The following PSMA1 variants were observed in gnomAD, a reference collection of about 807,000 sequenced individuals.
The protein encoded by PSMA1 is proteasome 20S subunit alpha 1, also known as proteasome subunit alpha type-1.
A neutral mutation model predicts 38.4 loss-of-function variants in PSMA1; 3 were observed. The ratio of observed to expected loss-of-function variants is 0.08; its 90% CI spans 0.04 to 0.20. The LOEUF is 0.20. PSMA1 is among the 10% of genes least tolerant of loss of function. The pLI, the probability that PSMA1 is intolerant of heterozygous loss-of-function variation, is 1.00. For synonymous variants in PSMA1, 101 were observed against 107.1 expected (o/e 0.94, Z 0.35); for missense variants, 227 against 325.3 (o/e 0.70, Z 2.32).
chr11:14,549,815 T>C (rs1851867363), intron 2 of PSMA1, among the ~76,000 whole-genome samples: 1 of 152,118 alleles, frequency 6.6e-6, no homozygotes, highest in Admixed American at 6.5e-5. Flanking sequence ...CACAGTGTGC[T>C]CAAGGCCAGC....
chr11:14,548,074 T>C (rs1468998657), intron 2 of PSMA1, among the ~76,000 whole-genome samples: 1 of 152,014 alleles, frequency 6.6e-6, no homozygotes, highest in African/African-American at 2.4e-5. Flanking sequence ...ATAATAATGA[T>C]AGCAAAAATA....
intron 2 of PSMA1, among the ~76,000 whole-genome samples, chr11:14,535,061 G>A (rs1404707767): frequency 4.6e-5 from 7 of 151,992 alleles, no homozygotes; most frequent in Admixed American, 3.9e-4. Flanking sequence ...GCGACAGAAC[G>A]AGACTCCATC....
At chr11:14,527,671 A>G (rs1851602502) in intron 2 of PSMA1, among the ~76,000 whole-genome samples, 1 of 152,104 alleles carries the variant, frequency 6.6e-6, no homozygotes, top group Admixed American at 6.6e-5. Context: ...CTGCGTAGAC[A>G]CTTTCACTGG....
At chr11:14,634,942 C>T (rs550461011) in intron 1 of PSMA1, among the ~76,000 whole-genome samples, 2 of 152,180 alleles carry the variant, frequency 1.3e-5, no homozygotes, top group African/African-American at 2.4e-5. Flanking sequence ...AAACTTGGAG[C>T]CCACAGTTTA....
At chr11:14,553,082 C>G (rs1851904532) in intron 2 of PSMA1, among the ~76,000 whole-genome samples, 1 of 152,114 alleles carries the variant, frequency 6.6e-6, no homozygotes, top group South Asian at 2.1e-4. Context: ...GCCTTGGCTT[C>G]CCAAAGTGCT....
intron 2 of PSMA1, chr11:14,610,786 G>C (rs1852699371): frequency 3.4e-6 from 2 of 593,834 alleles, no homozygotes; most frequent in Admixed American, 3.3e-5. Context: ...TGCTGGATTT[G>C]AGCATCTTCT....
chr11:14,613,695 T>C (rs190275636), intron 1 of PSMA1, among the ~76,000 whole-genome samples: 298 of 152,342 alleles, frequency 2.0e-3, no homozygotes, highest in African/African-American at 6.9e-3. Context: ...AGTGAAACCC[T>C]ATACCTGTGC....
intron 1 of PSMA1, among the ~76,000 whole-genome samples, chr11:14,636,262 T>C (rs937629144): frequency 2.6e-5 from 4 of 152,208 alleles, no homozygotes; most frequent in Non-Finnish European, 4.4e-5. Context: ...AAACTTGTCA[T>C]TGTCAGGTTT....
intron 1 of PSMA1, 87 bp from the exon 2 acceptor site, chr11:14,519,128 TC>T (rs1851482714): frequency 3.6e-6 from 4 of 1,112,994 alleles, no homozygotes; most frequent in Non-Finnish European, 5.4e-6. Flanking sequence ...TGCTTGTATT[TC>T]CATTCAATGT....
chr11:14,505,935 CAGG>C (rs1347459104), intron 9 of PSMA1, among the ~76,000 whole-genome samples: 1 of 152,100 alleles, frequency 6.6e-6, no homozygotes, highest in African/African-American at 2.4e-5. Context: ...CGCTTGAGCC[CAGG>C]AGTTCAACCT....
chr11:14,615,854 A>C (rs1450418258), intron 1 of PSMA1, among the ~76,000 whole-genome samples: 1 of 152,198 alleles, frequency 6.6e-6, no homozygotes, highest in Non-Finnish European at 1.5e-5. Flanking sequence ...GGAAAGAATC[A>C]TTGTGACTAG....
Position 14,513,906 on chromosome 11 carries a change from C to A in PSMA1, c.344-19G>T. 2 of 1,573,230 alleles carry A rather than the reference C, an allele frequency of 1.3e-6. No individual in the cohort carries two copies. The highest frequency in any genetic ancestry group is 1.7e-6 in the Non-Finnish European group (2 of 1,166,490). On this transcript the variant is annotated intron_variant, in intron 5 of 9. Transcript: ENST00000396394. ...TGGGTCTCTTAGACTGGTTAACGAG[C>A]TTGTTTTAACAAGGAATGAAGTACT...
At chr11:14,527,468 C>T (rs1471176006) in intron 2 of PSMA1, among the ~76,000 whole-genome samples, 1 of 152,162 alleles carries the variant, frequency 6.6e-6, no homozygotes, top group Non-Finnish European at 1.5e-5. Flanking sequence ...CCTCTCATTT[C>T]CTTTCCAACA....
chr11:14,507,605 A>G (rs915933611), intron 9 of PSMA1, 51 bp downstream of exon 9: 1 of 1,254,520 alleles, frequency 8.0e-7, no homozygotes, highest in Non-Finnish European at 1.2e-6. Flanking sequence ...AGTTGTGGTA[A>G]GAACAGCAGC....
intron 2 of PSMA1, among the ~76,000 whole-genome samples, chr11:14,596,020 T>C (rs1202402626): frequency 1.3e-5 from 2 of 152,246 alleles, no homozygotes; most frequent in African/African-American, 4.8e-5. Flanking sequence ...CTATTGCTTG[T>C]TTTTGTCAGG....
At chr11:14,505,351 A>G in intron 9 of PSMA1, 103 bp from the exon 10 acceptor site, 2 of 980,330 alleles carry the variant, frequency 2.0e-6, no homozygotes, top group South Asian at 2.6e-5. Flanking sequence ...AAAAAGGGGT[A>G]AAGAGATATT....
In PSMA1 at chr11:14,534,938, G is replaced by T. The variant is rs780554140; in HGVS notation, c.22-15897C>A. On this transcript the variant is annotated intron_variant, in intron 2 of 10. Coordinates refer to the PSMA1 transcript ENST00000418988. The surrounding 1 kb of genome is among the most constrained non-coding windows in gnomAD (Gnocchi z 4.5). ...TAAAAATACAAAATTAGCGGGCATGGTGGCAGACGCCTGTAATCCCAGCTA... is the reference window on the plus strand; with the variant it reads ...TAAAAATACAAAATTAGCGGGCATGTTGGCAGACGCCTGTAATCCCAGCTA... Among the ~76,000 whole-genome samples the T allele has an allele frequency of 3.0e-4, 46 of 152,134 alleles. No homozygotes were observed. The highest frequency in any genetic ancestry group is 5.6e-4 in the Non-Finnish European group (38 of 68,018).
At chr11:14,518,317 T>C (rs1007683635) in intron 2 of PSMA1, among the ~76,000 whole-genome samples, 6 of 152,154 alleles carry the variant, frequency 3.9e-5, no homozygotes, top group African/African-American at 1.4e-4. Flanking sequence ...CAGGGTGGTC[T>C]TGAACTCCAA....
chr11:14,618,944 T>A (rs1590012446), intron 1 of PSMA1, among the ~76,000 whole-genome samples: 9 of 152,312 alleles, frequency 5.9e-5, no homozygotes, highest in African/African-American at 1.7e-4. Context: ...GAATAATAAT[T>A]CTTGGGTTGA....
Sources: allele counts gnomAD v4.1 joint callset (sites outside exome capture counted in the v4.1 genomes callset), GRCh38; gene constraint gnomAD v4.1.1; non-coding constraint Gnocchi (gnomAD v3.1); transcripts MANE v1.5; gene names NCBI Gene and HGNC (gene_info 2026-07-23, HGNC 2026-07-21).